EBF4: variants seen among roughly 807,000 people sequenced by gnomAD.
The protein encoded by EBF4 is transcription factor COE4.
A neutral mutation model predicts 67.1 loss-of-function variants in EBF4; 34 were observed. The ratio of observed to expected loss-of-function variants is 0.51; its 90% CI spans 0.39 to 0.67. The LOEUF (loss-of-function observed/expected upper bound fraction) is 0.67, where lower values mean the gene tolerates loss of function less well. Among genes scored for constraint, EBF4 ranks in the 30% least tolerant of loss-of-function variants. The pLI, the probability that EBF4 is intolerant of heterozygous loss-of-function variation, is 0.00. For missense variants in EBF4, 837 were observed against 873.3 expected, an observed-to-expected ratio of 0.96 and a Z score of 0.52; for synonymous variants, 387 against 377.7, an observed-to-expected ratio of 1.02 and a Z score of -0.29.
chr20:2,748,624 C>T, exon 7 of EBF4: 2 of 1,551,574 alleles, frequency 1.3e-6, no homozygotes, highest in Non-Finnish European at 1.7e-6. Flanking sequence ...ACATGCGCCG[C>T]TTCCAGGTGG....
chr20:2,715,948 C>T (rs1207834047), intron 6 of EBF4, among the ~76,000 whole-genome samples: 1 of 151,914 alleles, frequency 6.6e-6, no homozygotes, highest in African/African-American at 2.4e-5. Flanking sequence ...GGGATTTCGC[C>T]ATGTTGGCCA....
At chr20:2,695,021 C>T (rs1224616051) in intron 1 of EBF4, among the ~76,000 whole-genome samples, 1 of 152,108 alleles carries the variant, frequency 6.6e-6, no homozygotes, top group East Asian at 1.9e-4. Flanking sequence ...CTACTGTCAA[C>T]ATTTTAGTGT....
chr20:2,728,614 T>G (rs528302194), intron 6 of EBF4, among the ~76,000 whole-genome samples: 32 of 152,288 alleles, frequency 2.1e-4, no homozygotes, highest in African/African-American at 7.2e-4. Flanking sequence ...ACCCTGGCTT[T>G]CTTTCTGAGC....
At chr20:2,729,628 A>G (rs12373882) in intron 6 of EBF4, among the ~76,000 whole-genome samples, 15,246 of 152,046 alleles carry the variant, frequency 0.1, 851 homozygotes, top group Admixed American at 0.14. Flanking sequence ...TTTTCACCCT[A>G]GAGAGAGATG....
At chr20:2,748,231 A>G (rs1483063981) in intron 6 of EBF4, among the ~76,000 whole-genome samples, 2 of 152,172 alleles carry the variant, frequency 1.3e-5, no homozygotes, top group Non-Finnish European at 2.9e-5. Flanking sequence ...GGTAGTGTAT[A>G]TAATGGACTT....
rs1208173785 is a variant in EBF4 at position 2,749,606 on chromosome 20, C to T, written c.758-14C>T. 6.4e-6 allele frequency: 10 copies of T among 1,552,350 alleles called. No homozygotes were observed. The highest frequency in any genetic ancestry group is 2.4e-5 in the South Asian group (2 of 84,190). On this transcript the variant is annotated splice_polypyrimidine_tract_variant and intron_variant, in intron 8 of 16. Coordinates refer to ENST00000609451, the Ensembl canonical transcript of EBF4. ...AGCGCGGTCCCCTGACCTGGGTCCT[C>T]TCCTGCCTCCCAGCTGCCACCCCCT... is the stretch of plus-strand genomic sequence containing the variant.
At chr20:2,754,087 A>C (rs1289797732) in intron 14 of EBF4, among the ~76,000 whole-genome samples, 1 of 152,160 alleles carries the variant, frequency 6.6e-6, no homozygotes, top group Non-Finnish European at 1.5e-5. Context: ...CAAGAAGATC[A>C]AGAATTCTAG....
rs766912147 is a variant in EBF4 at position 2,755,613 on chromosome 20, G to A, written c.1541-14G>A. The A allele has an allele frequency of 6.9e-5, 32 of 466,202 alleles. No individual in the cohort carries two copies. Among genetic ancestry groups the A allele is most frequent in the South Asian group, 3.8e-4 (16 of 42,038 alleles). The allele number at this position is 466,202 out of a possible 1,614,324, so 28.9% of individuals were successfully genotyped here. On this transcript the variant is annotated splice_polypyrimidine_tract_variant and intron_variant, in intron 14 of 16. Coordinates refer to ENST00000609451, the Ensembl canonical transcript of EBF4. This position sits in a 1 kb window ranked among gnomAD's most constrained non-coding sequence, Gnocchi z 4.7. ...TTCCCTGCTGCGCCTGCCCCTCCCC[G>A]CCCCGCCCCGGAGTCATGCCCTCTA...
At position 2,707,680 on chromosome 20, in the gene EBF4, C is replaced by G. The variant is rs2087478124; in HGVS notation, c.415-267C>G. On this transcript the variant is annotated intron_variant, in intron 4 of 16. Coordinates refer to ENST00000609451, the Ensembl canonical transcript of EBF4. The surrounding 1 kb of genome is among the most constrained non-coding windows in gnomAD (Gnocchi z 4.6). ...CTGGCACCCTGAGGAACCCCCTGCC[C>G]CAAGCAGAGCCAGCTCTGGAAAGAG... Among the ~76,000 whole-genome samples, 1 of 152,148 alleles carries G rather than the reference C, an allele frequency of 6.6e-6. No homozygotes were observed. The highest frequency in any genetic ancestry group is 2.4e-5 in the African/African-American group (1 of 41,450).
intron 6 of EBF4, among the ~76,000 whole-genome samples, chr20:2,724,373 A>G (rs1315015105): frequency 6.6e-6 from 1 of 152,100 alleles, no homozygotes; most frequent in African/African-American, 2.4e-5. Flanking sequence ...AACTCTGCTA[A>G]ATTTTCTGCT....
intron 6 of EBF4, among the ~76,000 whole-genome samples, chr20:2,722,690 AT>A (rs575293488): frequency 6.6e-6 from 1 of 152,108 alleles, no homozygotes; most frequent in Non-Finnish European, 1.5e-5. Context: ...TAGCCTGTTT[AT>A]TTCTCATCTC....
At chr20:2,744,364 T>G (rs752184733) in intron 6 of EBF4, among the ~76,000 whole-genome samples, 2 of 152,124 alleles carry the variant, frequency 1.3e-5, no homozygotes, top group Non-Finnish European at 2.9e-5. Context: ...CAATCAATAG[T>G]AAATGCGAGT....
At chr20:2,706,132 G>A in intron 3 of EBF4, 77 bp from the exon 4 acceptor site, 1 of 1,549,448 alleles carries the variant, frequency 6.5e-7, no homozygotes, top group Non-Finnish European at 8.7e-7. Flanking sequence ...CAGGGCTGGG[G>A]AGGGTGTGAT....
intron 6 of EBF4, among the ~76,000 whole-genome samples, chr20:2,733,986 G>A (rs1600227954): frequency 6.6e-6 from 1 of 152,066 alleles, no homozygotes; most frequent in African/African-American, 2.4e-5. Context: ...AATTTCATGG[G>A]TTTTTAAAAA....
At chr20:2,736,746 G>A (rs2087882879) in intron 6 of EBF4, among the ~76,000 whole-genome samples, 1 of 152,186 alleles carries the variant, frequency 6.6e-6, no homozygotes, top group Non-Finnish European at 1.5e-5. Context: ...GAGCATTTGA[G>A]AGAGGGAGAA....
In EBF4 at chr20:2,755,780, C is replaced by T. The variant is rs1222630684; in HGVS notation, c.1694C>T (p.Ser565Phe). 1 of 1,549,992 alleles carries T rather than the reference C, an allele frequency of 6.5e-7. No homozygotes were observed. ...GCCCCCGTGCTGCGCCCCCCAAGCT[C>T]CCCACCCCAGGCCTGCCCCAGAGCC... Residue 565 changes from serine (S) to phenylalanine (F), a missense_variant, in exon 15 of 17, where the codon TCC (serine) becomes TTC (phenylalanine). Transcript: ENST00000609451. The surrounding 1 kb of genome is among the most constrained non-coding windows in gnomAD (Gnocchi z 4.7).
chr20:2,728,655 G>T (rs956737516), intron 6 of EBF4, among the ~76,000 whole-genome samples: 1 of 150,860 alleles, frequency 6.6e-6, no homozygotes, highest in Non-Finnish European at 1.5e-5. Flanking sequence ...CCCCATCCAG[G>T]ACCCTCTGAT....
At chr20:2,723,413 C>T (rs948382382) in intron 6 of EBF4, among the ~76,000 whole-genome samples, 1 of 151,960 alleles carries the variant, frequency 6.6e-6, no homozygotes, top group South Asian at 2.1e-4. Context: ...TGCAGTGGCG[C>T]AATCTCGGCT....
At position 2,751,596 on chromosome 20, in the gene EBF4, A is replaced by G. The variant is rs2088146228; in HGVS notation, c.1019-104A>G. The G allele has an allele frequency of 4.2e-6, 5 of 1,183,278 alleles. No homozygotes were observed. The highest frequency in any genetic ancestry group is 3.1e-5 in the African/African-American group (2 of 65,412). The allele number at this position is 1,183,278 out of a possible 1,614,324, so 73.3% of individuals were successfully genotyped here. On this transcript the variant is annotated intron_variant, in intron 10 of 16. Coordinates refer to ENST00000609451, the Ensembl canonical transcript of EBF4. This position sits in a 1 kb window ranked among gnomAD's most constrained non-coding sequence, Gnocchi z 5.2. The stretch of plus-strand genomic sequence containing the variant: ...GGGCCTGGTGGAGGGGGCTGCAGCG[A>G]GGCTCTCGGACTGGGCGCTGGCCTG...
Sources: gnomAD v4.1 joint callset for allele counts (sites outside exome capture counted in the v4.1 genomes callset) on GRCh38, gnomAD v4.1.1 for gene constraint, Gnocchi (gnomAD v3.1) non-coding constraint, MANE v1.5 for transcripts, NCBI Gene and HGNC (gene_info 2026-07-23, HGNC 2026-07-21) for gene names.